CCDC40: variants seen among roughly 807,000 people sequenced by gnomAD.
CCDC40 encodes coiled-coil domain-containing protein 40.
Under a neutral mutation model 124.5 loss-of-function variants are expected in CCDC40, and 104 were observed. The observed-to-expected ratio is 0.84, with a 90% CI of 0.71 to 0.98. The LOEUF (loss-of-function observed/expected upper bound fraction) is 0.98. Among genes scored for constraint, CCDC40 ranks in the 50% least tolerant of loss-of-function variants. The pLI, the probability that CCDC40 is intolerant of heterozygous loss-of-function variation, is 0.00. For missense variants in CCDC40, 1,463 were observed against 1,503.9 expected, an observed-to-expected ratio of 0.97 and a Z score of 0.45; for synonymous variants, 580 against 602.9, an observed-to-expected ratio of 0.96 and a Z score of 0.56.
At chr17:80,044,149 G>A (rs1012560544) in intron 3 of CCDC40, among the ~76,000 whole-genome samples, 1 of 152,160 alleles carries the variant, frequency 6.6e-6, no homozygotes, top group Non-Finnish European at 1.5e-5. Context: ...AAACTGAGAG[G>A]TGCAAGGTCA....
intron 12 of CCDC40, among the ~76,000 whole-genome samples, chr17:80,083,199 C>T (rs1045895894): frequency 4.0e-5 from 6 of 151,516 alleles, no homozygotes; most frequent in Non-Finnish European, 8.8e-5. Context: ...GGAGCCATAG[C>T]CCCTGCAGGG....
chr17:80,040,316 C>A (rs770172112), intron 3 of CCDC40, 46 bp downstream of exon 3: 2 of 1,549,022 alleles, frequency 1.3e-6, no homozygotes, highest in Non-Finnish European at 1.8e-6. Context: ...GCACGGCCCA[C>A]GGGGTTTGTC....
chr17:80,047,384 T>A lies in CCDC40; in HGVS notation c.658T>A (p.Phe220Ile). The A allele has an allele frequency of 3.1e-6, 5 of 1,612,928 alleles. No homozygotes were observed. In the South Asian group the frequency reaches 5.5e-5, roughly 18 times the overall value. The change falls in exon 4 of 20, where the codon TTC becomes ATC. Residue 220 changes from phenylalanine (F) to isoleucine (I), a missense_variant. Transcript: ENST00000397545. ...CATCGAGTCCTCAGACCTGGAGGAGTTCGTCTCGCAGGAGCCAGGTGCCAC... is the reference window on the plus strand; with the variant it reads ...CATCGAGTCCTCAGACCTGGAGGAGATCGTCTCGCAGGAGCCAGGTGCCAC... The part of the protein sequence containing the change: ...SDIESSDLEE[F>I]VSQEPVIPPG...
At position 80,089,897 on chromosome 17, in the gene CCDC40, G is replaced by C; in HGVS notation, c.2832+13G>C. ...CCACAGGATGAAGGTGAGGGGAGGA[G>C]AGCGGCGTGGCAGGGCCTGCTGGGT... On this transcript the variant is annotated intron_variant, in intron 17 of 19. Coordinates refer to ENST00000397545, the MANE Select transcript of CCDC40 (RefSeq NM_017950.4). 1 of 1,613,910 alleles carries C rather than the reference G, an allele frequency of 6.2e-7. No individual in the cohort carries two copies. The highest frequency in any genetic ancestry group is 8.5e-7 in the Non-Finnish European group (1 of 1,179,958).
At chr17:80,081,245 C>T (rs2038438847) in intron 10 of CCDC40, among the ~76,000 whole-genome samples, 5 of 151,918 alleles carry the variant, frequency 3.3e-5, no homozygotes, top group African/African-American at 2.4e-5. Flanking sequence ...ATTAGCCGGG[C>T]ATGGTGGCGC....
At chr17:80,049,454 G>A (rs1367269828) in intron 5 of CCDC40, among the ~76,000 whole-genome samples, 2 of 151,558 alleles carry the variant, frequency 1.3e-5, no homozygotes, top group Non-Finnish European at 2.9e-5. Flanking sequence ...CCAAATGTTG[G>A]CGGTGTGGGG....
chr17:80,039,865 C>T lies in CCDC40; in HGVS notation c.147C>T (p.Ser49=), dbSNP rs1301657020. 2 of 1,613,780 alleles carry T rather than the reference C, an allele frequency of 1.2e-6. No individual in the cohort carries two copies. The highest frequency in any genetic ancestry group is 1.7e-5 in the Admixed American group (1 of 59,974). The change falls in exon 3 of 20, where the codon AGC becomes AGT. Residue 49 remains serine, a synonymous_variant. Coordinates refer to ENST00000397545, the MANE Select transcript of CCDC40 (RefSeq NM_017950.4). The part of the protein sequence containing the change: ...DGQKGEEAVG[S]TEHPEEVTTQ... Reference sequence around the variant, plus strand: ...AGAAAGGTGAAGAAGCTGTCGGTAGCACAGAGCATCCTGAGGAAGTCACAA... The same window carrying T: ...AGAAAGGTGAAGAAGCTGTCGGTAGTACAGAGCATCCTGAGGAAGTCACAA...
intron 17 of CCDC40, among the ~76,000 whole-genome samples, chr17:80,091,926 T>A (rs550071538): frequency 6.6e-6 from 1 of 152,054 alleles, no homozygotes; most frequent in African/African-American, 2.4e-5. Context: ...GTGTTATTTA[T>A]CTATCTTTTT....
intron 19 of CCDC40, among the ~76,000 whole-genome samples, chr17:80,099,267 G>C (rs2143787231): frequency 6.6e-6 from 1 of 152,078 alleles, no homozygotes; most frequent in East Asian, 1.9e-4. Flanking sequence ...CTCCAGCCTG[G>C]GCGACAGAGC....
intron 7 of CCDC40, among the ~76,000 whole-genome samples, chr17:80,056,000 A>ATTTTTTTTTTTTTTTTTTT (rs1285051283): frequency 1.3e-4 from 1 of 7,572 alleles, no homozygotes; most frequent in African/African-American, 3.8e-4. Flanking sequence ...ATATATATAT[A>ATTTTTTTTTTTTTTTTTTT]TATATATATA....
rs1189644104 is a variant in CCDC40, at chr17:80,040,228, G to A, written c.510G>A (p.Glu170=). ...CCCACGGAGTCTTAGGCCCGTCGGA[G>A]CAAATGGGCCAGGTCACCTCTGGGC... ...EPSHGVLGPS[E]QMGQVTSGPA... The change falls in exon 3 of 20, where the codon GAG becomes GAA. Residue 170 remains glutamate (E), a synonymous_variant. Coordinates refer to ENST00000397545, the MANE Select transcript of CCDC40 (RefSeq NM_017950.4). 5 of 1,613,990 alleles carry A rather than the reference G, an allele frequency of 3.1e-6. No individual in the cohort carries two copies. Among genetic ancestry groups the A allele is most frequent in the Non-Finnish European group, 3.4e-6 (4 of 1,179,984 alleles).
intron 19 of CCDC40, among the ~76,000 whole-genome samples, chr17:80,098,179 C>T (rs570098830): frequency 1.3e-5 from 2 of 152,142 alleles, no homozygotes; most frequent in Non-Finnish European, 2.9e-5. Flanking sequence ...CCTGAGACTG[C>T]GCAAGGGCTA....
At chr17:80,059,090 T>A in intron 9 of CCDC40, 110 bp downstream of exon 9, 1 of 1,352,974 alleles carries the variant, frequency 7.4e-7, no homozygotes, top group Non-Finnish European at 1.1e-6. Flanking sequence ...GATGAGTGAC[T>A]GCAGCCAGCT....
At chr17:80,099,462 G>A in intron 19 of CCDC40, 65 bp from the exon 20 acceptor site, 3 of 1,575,514 alleles carry the variant, frequency 1.9e-6, no homozygotes, top group Non-Finnish European at 2.6e-6. Flanking sequence ...TGAGTTTGTG[G>A]GGGGCCAGCA....
Position 80,086,236 on chromosome 17 carries a change from G to A in CCDC40, c.2449+20G>A. ...TAGAAAGTAAGAGCCGCCGTGCCCG[G>A]CCCTGCAGTGATGCTGAGACGAGCT... On this transcript the variant is annotated intron_variant, in intron 14 of 19. Coordinates refer to ENST00000397545, the MANE Select transcript of CCDC40 (RefSeq NM_017950.4). The surrounding 1 kb of genome is among the most constrained non-coding windows in gnomAD (Gnocchi z 5.5). 6.4e-7 allele frequency: 1 copy of A among 1,563,660 alleles called. No homozygotes were observed. The highest frequency in any genetic ancestry group is 8.7e-7 in the Non-Finnish European group (1 of 1,152,770).
intron 3 of CCDC40, among the ~76,000 whole-genome samples, chr17:80,046,899 G>A (rs2037433784): frequency 6.6e-6 from 1 of 152,212 alleles, no homozygotes; most frequent in Admixed American, 6.5e-5. Context: ...AGGCTGGAGT[G>A]CAGTGCTGTG....
intron 17 of CCDC40, chr17:80,090,864 A>G (rs945797019): frequency 7.7e-6 from 8 of 1,037,384 alleles, no homozygotes; most frequent in Middle Eastern, 4.3e-4. Flanking sequence ...TCAAGTGCAT[A>G]TGCTAATAAG....
chr17:80,086,020 C>G lies in CCDC40; in HGVS notation c.2253C>G (p.Pro751=). 1 of 1,614,004 alleles carries G rather than the reference C, an allele frequency of 6.2e-7. No homozygotes were observed. The highest frequency in any genetic ancestry group is 8.5e-7 in the Non-Finnish European group (1 of 1,180,030). ...CGGTCTAGGGGGAAGAAGTGGGGCC[C>G]CTGGAGCTTGAAATCAAAAGGCTGA... ...VSELGGEEVG[P]LELEIKRLSK... is the part of the protein sequence containing the mutation. Residue 751 remains proline (P), a synonymous_variant, in exon 14 of 20, where the codon CCC becomes CCG. Transcript: ENST00000397545. The surrounding 1 kb of genome is among the most constrained non-coding windows in gnomAD (Gnocchi z 5.5).
chr17:80,089,866 C>G lies in CCDC40; in HGVS notation c.2814C>G (p.Gly938=), dbSNP rs761521503. ...AGACGGAGATCCGGGCCATGAAGGG[C>G]GAGATCCACAGGATGAAGGTGAGGG... ...IGQTEIRAMK[G]EIHRMKVRLG... is the part of the protein sequence containing the mutation. The change falls in exon 17 of 20, where the codon GGC becomes GGG. Residue 938 remains glycine (G), a synonymous_variant. Coordinates refer to ENST00000397545, the MANE Select transcript of CCDC40 (RefSeq NM_017950.4). 1 of 1,614,094 alleles carries G rather than the reference C, an allele frequency of 6.2e-7. No homozygotes were observed. The highest frequency in any genetic ancestry group is 8.5e-7 in the Non-Finnish European group (1 of 1,180,038).
Sources: allele counts gnomAD v4.1 joint callset (sites outside exome capture counted in the v4.1 genomes callset), GRCh38; gene constraint gnomAD v4.1.1; non-coding constraint Gnocchi (gnomAD v3.1); transcripts MANE v1.5; gene names NCBI Gene and HGNC (gene_info 2026-07-23, HGNC 2026-07-21).